The following TMTC2 variants were observed in gnomAD, a reference collection of about 807,000 sequenced individuals.
The protein encoded by TMTC2 is transmembrane O-mannosyltransferase targeting cadherins 2.
A neutral mutation model predicts 82.4 loss-of-function variants in TMTC2; 43 were observed. The observed-to-expected ratio is 0.52, with a 90% confidence interval of 0.41 to 0.67. TMTC2 has a LOEUF of 0.67. Ranked by LOEUF, TMTC2 falls within the 30% of genes least tolerant of loss-of-function variation. TMTC2 has a pLI of 0.00. For synonymous variants in TMTC2, 408 were observed against 381.9 expected, an observed-to-expected ratio of 1.07 and a Z score of -0.80; for missense variants, 919 against 1,012.4, an observed-to-expected ratio of 0.91 and a Z score of 1.25.
chr12:82,799,628 C>T (rs1398046638), intron 1 of TMTC2, among the ~76,000 whole-genome samples: 2 of 152,148 alleles, frequency 1.3e-5, no homozygotes, highest in Non-Finnish European at 2.9e-5. Context: ...CCTTTCTCAG[C>T]TTCTGGTGGT....
intron 7 of TMTC2, among the ~76,000 whole-genome samples, chr12:82,970,394 C>T (rs906393038): frequency 6.6e-6 from 1 of 152,178 alleles, no homozygotes; most frequent in Admixed American, 6.5e-5. Context: ...TGCAGTGGCG[C>T]AATCTCGCCT....
At chr12:82,866,118 C>T (rs1301336262) in intron 2 of TMTC2, among the ~76,000 whole-genome samples, 3 of 150,586 alleles carry the variant, frequency 2.0e-5, no homozygotes, top group African/African-American at 7.3e-5. Flanking sequence ...AAGCAAGAGC[C>T]AACACATTCA....
intron 11 of TMTC2, among the ~76,000 whole-genome samples, chr12:83,066,260 C>T (rs1201697837): frequency 6.6e-6 from 1 of 151,846 alleles, no homozygotes; most frequent in Non-Finnish European, 1.5e-5. Flanking sequence ...GCTGAAGAGG[C>T]ACTGAGTCAC....
chr12:83,047,403 C>T (rs1173030339), intron 9 of TMTC2, among the ~76,000 whole-genome samples: 31 of 152,136 alleles, frequency 2.0e-4, no homozygotes, highest in Admixed American at 2.0e-3. Flanking sequence ...CTCTATTTTC[C>T]ATCAGTTCTC....
chr12:83,091,355 T>C (rs1883841468), intron 11 of TMTC2, among the ~76,000 whole-genome samples: 1 of 152,152 alleles, frequency 6.6e-6, no homozygotes, highest in African/African-American at 2.4e-5. Flanking sequence ...ATAACAGTGC[T>C]GCAGAAAGTC....
chr12:82,740,879 A>G (rs189010370), intron 1 of TMTC2, among the ~76,000 whole-genome samples: 12 of 152,304 alleles, frequency 7.9e-5, no homozygotes, highest in Non-Finnish European at 1.5e-4. Context: ...GCAATCTGGT[A>G]TTTCTCAGGT....
intron 11 of TMTC2, among the ~76,000 whole-genome samples, chr12:83,076,682 G>C (rs146844736): frequency 4.1e-4 from 62 of 152,164 alleles, no homozygotes; most frequent in African/African-American, 1.5e-3. Flanking sequence ...AGCTTCCTCC[G>C]TTTCTATTAT....
intron 7 of TMTC2, among the ~76,000 whole-genome samples, chr12:82,969,853 A>T (rs1878372817): frequency 6.7e-6 from 1 of 149,694 alleles, no homozygotes; most frequent in African/African-American, 2.4e-5. Flanking sequence ...CCCATCCTGA[A>T]TTAGGTGAAT....
At chr12:82,875,741 A>G (rs555105392) in intron 2 of TMTC2, among the ~76,000 whole-genome samples, 154 of 152,218 alleles carry the variant, frequency 1.0e-3, no homozygotes, top group Non-Finnish European at 1.9e-3. Flanking sequence ...AGCTGTAAAA[A>G]TATATCTTCA....
At chr12:82,955,214 A>T (rs1381253158) in intron 4 of TMTC2, among the ~76,000 whole-genome samples, 1 of 152,160 alleles carries the variant, frequency 6.6e-6, no homozygotes, top group South Asian at 2.1e-4. Flanking sequence ...TACATTCCCC[A>T]AGTTGTGACA....
intron 1 of TMTC2, among the ~76,000 whole-genome samples, chr12:82,747,556 A>G (rs990169855): frequency 6.6e-6 from 1 of 152,226 alleles, no homozygotes; most frequent in African/African-American, 2.4e-5. Context: ...GAAAAAGGTA[A>G]TTTCAGGAAA....
At chr12:83,093,434 C>T (rs1284436549) in intron 11 of TMTC2, among the ~76,000 whole-genome samples, 2 of 152,142 alleles carry the variant, frequency 1.3e-5, no homozygotes, top group African/African-American at 4.8e-5. Flanking sequence ...CTGCTGGTTT[C>T]AGTGATTGAA....
intron 1 of TMTC2, among the ~76,000 whole-genome samples, chr12:82,778,892 T>C (rs1222969599): frequency 2.3e-5 from 3 of 130,300 alleles, no homozygotes; most frequent in Non-Finnish European, 4.8e-5. Flanking sequence ...AAAAAATCAG[T>C]TGGATGTGGT....
At chr12:83,013,023 G>A (rs1481500840) in intron 8 of TMTC2, among the ~76,000 whole-genome samples, 1 of 152,094 alleles carries the variant, frequency 6.6e-6, no homozygotes, top group Non-Finnish European at 1.5e-5. Flanking sequence ...AAAGATTATA[G>A]AAGAAGCAAG....
At chr12:82,745,328 C>CA (rs1348561498) in intron 1 of TMTC2, among the ~76,000 whole-genome samples, 1 of 152,084 alleles carries the variant, frequency 6.6e-6, no homozygotes, top group Non-Finnish European at 1.5e-5. Context: ...AGACAACTGT[C>CA]ACAAAGAATG....
At chr12:83,039,923 G>A (rs557408798) in intron 9 of TMTC2, among the ~76,000 whole-genome samples, 3 of 152,326 alleles carry the variant, frequency 2.0e-5, no homozygotes, top group African/African-American at 7.2e-5. Context: ...AAGTAATATG[G>A]TGTGTCCTTA....
chr12:83,119,733 A>G (rs1369459870), intron 11 of TMTC2, among the ~76,000 whole-genome samples: 1 of 152,190 alleles, frequency 6.6e-6, no homozygotes, highest in Non-Finnish European at 1.5e-5. Context: ...TGGTGCTGTC[A>G]GTAGAGTATA....
intron 4 of TMTC2, among the ~76,000 whole-genome samples, chr12:82,949,683 G>A (rs780744282): frequency 3.3e-5 from 5 of 152,068 alleles, no homozygotes; most frequent in African/African-American, 4.8e-5. Context: ...TATAAGAGAC[G>A]TTAATATAAT....
At chr12:82,935,151 A>G (rs1389168150) in intron 4 of TMTC2, among the ~76,000 whole-genome samples, 1 of 152,138 alleles carries the variant, frequency 6.6e-6, no homozygotes, top group Non-Finnish European at 1.5e-5. Flanking sequence ...GGGTTTGCAT[A>G]CCTGTGCTAA....
Sources: gnomAD v4.1 joint callset for allele counts (sites outside exome capture counted in the v4.1 genomes callset) on GRCh38, gnomAD v4.1.1 for gene constraint, MANE v1.5 for transcripts, NCBI Gene and HGNC (gene_info 2026-07-23, HGNC 2026-07-21) for gene names.